CDH8: variants seen among roughly 807,000 people sequenced by gnomAD.
CDH8 encodes the protein cadherin-8.
Under a neutral mutation model 68.1 loss-of-function variants are expected in CDH8, and 17 were observed. That is an observed-to-expected ratio of 0.25 (90% CI 0.17 to 0.37). The LOEUF is 0.37. CDH8 is among the 10% of genes least tolerant of loss of function. The pLI, the probability that CDH8 is intolerant of heterozygous loss-of-function variation, is 1.00. For missense variants in CDH8, 763 were observed against 999.3 expected, an observed-to-expected ratio of 0.76 and a Z score of 3.19; for synonymous variants, 372 against 365.1, an observed-to-expected ratio of 1.02 and a Z score of -0.21.
chr16:61,649,114 A>G lies in CDH8; in HGVS notation c.*4494T>C, dbSNP rs1320427167. ...AAAATATAGAAAAGTATTTCCTGCA[A>G]AGTATATTCTACAATTATTTTGTCC... On this transcript the variant is annotated 3_prime_UTR_variant, in exon 12 of 12. Transcript: ENST00000577390. 2 of 152,036 alleles carry G rather than the reference A, an allele frequency of 1.3e-5. No homozygotes were observed. Among genetic ancestry groups the G allele is most frequent in the Non-Finnish European group, 2.9e-5 (2 of 67,942 alleles). 9.4% of individuals were successfully genotyped at this position (152,036 alleles called of 1,614,324 possible).
At chr16:61,840,631 G>A (rs1200084923) in intron 4 of CDH8, among the ~76,000 whole-genome samples, 1 of 152,126 alleles carries the variant, frequency 6.6e-6, no homozygotes, top group African/African-American at 2.4e-5. Flanking sequence ...GGACATGGAT[G>A]GAGCCAGAAG....
intron 2 of CDH8, among the ~76,000 whole-genome samples, chr16:61,955,238 T>C (rs1022464895): frequency 6.6e-6 from 1 of 152,182 alleles, no homozygotes; most frequent in Non-Finnish European, 1.5e-5. Context: ...AACCTAAAGA[T>C]TTCTCTATAT....
At chr16:61,996,077 C>A (rs949675233) in intron 2 of CDH8, among the ~76,000 whole-genome samples, 1 of 152,196 alleles carries the variant, frequency 6.6e-6, no homozygotes, top group Non-Finnish European at 1.5e-5. Context: ...AAGAATAAAC[C>A]TAATTCATCC....
intron 2 of CDH8, among the ~76,000 whole-genome samples, chr16:62,013,285 A>G (rs1901859710): frequency 3.6e-5 from 1 of 27,838 alleles, no homozygotes; most frequent in Admixed American, 4.0e-4. Flanking sequence ...AAAAAAAAAA[A>G]AAAAAAAATT....
At chr16:61,726,630 T>G (rs2142892269) in intron 9 of CDH8, 1 of 173,334 alleles carries the variant, frequency 5.8e-6, no homozygotes, top group East Asian at 1.5e-4. Flanking sequence ...TATATTTACA[T>G]ATTTACAGAT....
At chr16:61,773,521 G>A (rs1960832133) in intron 8 of CDH8, among the ~76,000 whole-genome samples, 1 of 152,034 alleles carries the variant, frequency 6.6e-6, no homozygotes, top group Non-Finnish European at 1.5e-5. Context: ...GTGAGAAGAT[G>A]GGAGTACTAT....
At chr16:62,027,478 T>C (rs1410398378) in intron 1 of CDH8, among the ~76,000 whole-genome samples, 1 of 152,232 alleles carries the variant, frequency 6.6e-6, no homozygotes, top group Non-Finnish European at 1.5e-5. Context: ...CAGCAGATTA[T>C]TGTGGTTGAC....
intron 2 of CDH8, chr16:61,940,811 A>G (rs1287310099): frequency 6.6e-6 from 1 of 152,232 alleles, no homozygotes; most frequent in Non-Finnish European, 1.5e-5. Flanking sequence ...CGGCTTGGAA[A>G]TAAAATGCAA....
chr16:61,692,622 T>A (rs1050641416), intron 10 of CDH8: 1 of 151,846 alleles, frequency 6.6e-6, no homozygotes, highest in Non-Finnish European at 1.5e-5. Flanking sequence ...CTTATTTTCC[T>A]TGAGATTTCC....
At chr16:61,897,611 G>GAAA (rs1171885612) in intron 3 of CDH8, among the ~76,000 whole-genome samples, 1 of 152,120 alleles carries the variant, frequency 6.6e-6, no homozygotes, top group Admixed American at 6.5e-5. Flanking sequence ...AATAGATATA[G>GAAA]GCTTGGCATG....
intron 8 of CDH8, among the ~76,000 whole-genome samples, chr16:61,752,085 G>C (rs1017492508): frequency 1.3e-5 from 2 of 152,104 alleles, no homozygotes; most frequent in African/African-American, 4.8e-5. Context: ...CATTGAACAT[G>C]ATAGCTAAAT....
intron 10 of CDH8, among the ~76,000 whole-genome samples, chr16:61,658,629 A>G (rs1338008471): frequency 6.6e-6 from 1 of 152,046 alleles, no homozygotes; most frequent in African/African-American, 2.4e-5. Flanking sequence ...CCTGTTTCTT[A>G]TGTATGAAAA....
Position 61,648,495 on chromosome 16 carries a change from T to G in CDH8, c.*5113A>C, listed in dbSNP as rs1963251779. On this transcript the variant is annotated 3_prime_UTR_variant, in exon 12 of 12. Coordinates refer to ENST00000577390, the MANE Select transcript of CDH8 (RefSeq NM_001796.5). ...AGCACTATATATAACTTAGTTTCTATTTCTTATCATCAAAAGTCTCATAAT... is the reference window on the plus strand; with the variant it reads ...AGCACTATATATAACTTAGTTTCTAGTTCTTATCATCAAAAGTCTCATAAT... 1 of 152,010 alleles carries G rather than the reference T, an allele frequency of 6.6e-6. No homozygotes were observed. The highest frequency in any genetic ancestry group is 6.6e-5 in the Admixed American group (1 of 15,224). The allele number at this position is 152,010 out of a possible 1,614,324, so 9.4% of individuals were successfully genotyped here.
chr16:61,819,474 A>G (rs1198634768), intron 6 of CDH8, among the ~76,000 whole-genome samples: 1 of 152,116 alleles, frequency 6.6e-6, no homozygotes, highest in Non-Finnish European at 1.5e-5. Context: ...ATTGACTCAA[A>G]TATTGTACTC....
At chr16:61,886,887 T>C (rs1567514816) in intron 3 of CDH8, among the ~76,000 whole-genome samples, 2 of 152,150 alleles carry the variant, frequency 1.3e-5, no homozygotes, top group Non-Finnish European at 2.9e-5. Context: ...AGAAGCAACC[T>C]ATATAAGCTA....
chr16:61,749,281 G>A (rs190992446), intron 8 of CDH8, among the ~76,000 whole-genome samples: 173 of 152,138 alleles, frequency 1.1e-3, no homozygotes, highest in African/African-American at 3.9e-3. Flanking sequence ...GTAAAACTCT[G>A]TATTTAAGAA....
chr16:61,858,028 G>T (rs2143016129), intron 3 of CDH8, among the ~76,000 whole-genome samples: 1 of 151,752 alleles, frequency 6.6e-6, no homozygotes, highest in African/African-American at 2.4e-5. Context: ...ACTTCCACCT[G>T]CCTCCCCAAG....
intron 8 of CDH8, among the ~76,000 whole-genome samples, chr16:61,762,929 G>A (rs1459988002): frequency 1.3e-5 from 2 of 152,124 alleles, no homozygotes; most frequent in East Asian, 3.9e-4. Context: ...GGCTTGAGAA[G>A]CAGTGCCTTA....
intron 3 of CDH8, among the ~76,000 whole-genome samples, chr16:61,858,104 A>G (rs1006608790): frequency 1.3e-5 from 2 of 151,724 alleles, no homozygotes; most frequent in Admixed American, 6.6e-5. Flanking sequence ...CACACACACA[A>G]CAAATCTTTA....
Sources: allele counts gnomAD v4.1 joint callset (sites outside exome capture counted in the v4.1 genomes callset), GRCh38; gene constraint gnomAD v4.1.1; transcripts MANE v1.5; gene names NCBI Gene and HGNC (gene_info 2026-07-23, HGNC 2026-07-21).